The following SRBD1 variants were observed in gnomAD, a reference collection of about 807,000 sequenced individuals.
SRBD1 encodes S1 RNA binding domain 1, also known as S1 RNA-binding domain-containing protein 1.
SRBD1 carries 88 observed loss-of-function variants against 115.3 expected under a neutral mutation model. The ratio of observed to expected loss-of-function variants is 0.76; its 90% confidence interval spans 0.64 to 0.91. The LOEUF is 0.91. SRBD1 is among the 40% of genes least tolerant of loss of function. The probability of loss-of-function intolerance (pLI) is 0.00; values close to 1 mark genes in which losing one functional copy is unlikely to be tolerated. For synonymous variants in SRBD1, 509 were observed against 407.7 expected (o/e 1.25, Z -2.99); for missense variants, 1,385 against 1,177.4 (o/e 1.18, Z -2.58).
intron 16 of SRBD1, among the ~76,000 whole-genome samples, chr2:45,461,247 G>A (rs758457089): frequency 6.6e-5 from 10 of 152,204 alleles, no homozygotes; most frequent in Non-Finnish European, 1.2e-4. Context: ...CTTTCATGGA[G>A]ACTTGTAATG....
intron 14 of SRBD1, among the ~76,000 whole-genome samples, chr2:45,532,298 A>T (rs1671637634): frequency 6.6e-6 from 1 of 151,862 alleles, no homozygotes; most frequent in Admixed American, 6.6e-5. Flanking sequence ...AGACAGTGTT[A>T]AATACCAGGG....
At chr2:45,402,269 A>C (rs1667312051) in intron 19 of SRBD1, among the ~76,000 whole-genome samples, 5 of 152,154 alleles carry the variant, frequency 3.3e-5, no homozygotes, top group Non-Finnish European at 7.4e-5. Context: ...GTTTTTAGTA[A>C]ATTAAAGAAA....
At chr2:45,568,469 T>A (rs1672904984) in intron 9 of SRBD1, among the ~76,000 whole-genome samples, 1 of 152,168 alleles carries the variant, frequency 6.6e-6, no homozygotes, top group Non-Finnish European at 1.5e-5. Flanking sequence ...TAACCTAGCA[T>A]ATCATCACTC....
chr2:45,531,364 C>T (rs1310383639), intron 14 of SRBD1, among the ~76,000 whole-genome samples: 1 of 151,614 alleles, frequency 6.6e-6, no homozygotes, highest in Non-Finnish European at 1.5e-5. Flanking sequence ...TACGTAAAAA[C>T]GCACATTAAA....
At chr2:45,499,051 GT>G (rs1324891979) in intron 14 of SRBD1, among the ~76,000 whole-genome samples, 1 of 151,704 alleles carries the variant, frequency 6.6e-6, no homozygotes, top group Non-Finnish European at 1.5e-5. Context: ...TCTATTTTTA[GT>G]TTTTTTTAGG....
intron 16 of SRBD1, among the ~76,000 whole-genome samples, chr2:45,421,496 G>A (rs557259724): frequency 2.1e-5 from 2 of 96,692 alleles, no homozygotes; most frequent in South Asian, 7.7e-4. Flanking sequence ...GACGGTGTGA[G>A]ACTCCGTCTC....
intron 12 of SRBD1, 114 bp from the exon 13 acceptor site, chr2:45,547,726 G>C (rs1475816879): frequency 3.8e-6 from 3 of 792,160 alleles, no homozygotes; most frequent in Non-Finnish European, 6.0e-6. Flanking sequence ...TTTTTATAAT[G>C]AAGTCTGAAC....
At chr2:45,456,246 C>T (rs1020087574) in intron 16 of SRBD1, among the ~76,000 whole-genome samples, 28 of 151,742 alleles carry the variant, frequency 1.8e-4, no homozygotes, top group African/African-American at 6.0e-4. Flanking sequence ...AATTAGAAAA[C>T]GGCAATCAAT....
chr2:45,491,810 T>C (rs1670300709), intron 14 of SRBD1, among the ~76,000 whole-genome samples: 1 of 152,102 alleles, frequency 6.6e-6, no homozygotes, highest in African/African-American at 2.4e-5. Flanking sequence ...GAGTTAAAAA[T>C]GCTGCTTTAT....
chr2:45,504,927 C>A (rs1670752598), intron 14 of SRBD1, among the ~76,000 whole-genome samples: 1 of 152,076 alleles, frequency 6.6e-6, no homozygotes, highest in South Asian at 2.1e-4. Context: ...AGGATGGGAA[C>A]ACACCGCCAA....
At chr2:45,509,906 T>G (rs1670915640) in intron 14 of SRBD1, among the ~76,000 whole-genome samples, 1 of 152,092 alleles carries the variant, frequency 6.6e-6, no homozygotes, top group African/African-American at 2.4e-5. Context: ...ATCTAATTTT[T>G]AAATATTCAG....
intron 7 of SRBD1, among the ~76,000 whole-genome samples, chr2:45,578,720 G>C (rs1673253333): frequency 6.6e-6 from 1 of 152,174 alleles, no homozygotes. Flanking sequence ...GAAAGACGTA[G>C]GTCAAAGGGT....
At chr2:45,438,033 T>C (rs1668553189) in intron 16 of SRBD1, among the ~76,000 whole-genome samples, 1 of 152,220 alleles carries the variant, frequency 6.6e-6, no homozygotes, top group South Asian at 2.1e-4. Context: ...TGACTGATAA[T>C]GATATGCATT....
rs192420104 is a variant in SRBD1 at position 45,408,989 on chromosome 2, G to A, written c.2513+4125C>T. ...TATAATCCCAGCACTTTGGGAGGCC[G>A]AGTAGGACTGCCTGAGCGAAGGAGT... is the stretch of plus-strand genomic sequence containing the variant. On this transcript the variant is annotated intron_variant, in intron 19 of 20. Coordinates refer to ENST00000263736, the MANE Select transcript of SRBD1 (RefSeq NM_018079.5). 1.2e-3 allele frequency among the ~76,000 whole-genome samples: 189 copies of A among 152,248 alleles called. 1 individual carries two copies. The highest frequency in any genetic ancestry group is 3.0e-3 in the Admixed American group (46 of 15,292).
chr2:45,451,451 A>T (rs1489006394), intron 16 of SRBD1, among the ~76,000 whole-genome samples: 1 of 152,072 alleles, frequency 6.6e-6, no homozygotes. Context: ...TTATACAATA[A>T]ACTGATATTA....
At chr2:45,500,532 C>T (rs919149810) in intron 14 of SRBD1, among the ~76,000 whole-genome samples, 6 of 152,038 alleles carry the variant, frequency 3.9e-5, no homozygotes, top group Non-Finnish European at 8.8e-5. Flanking sequence ...AAGCTGTCCT[C>T]CCACCTTGGC....
chr2:45,590,715 G>A (rs1159578960), intron 4 of SRBD1, among the ~76,000 whole-genome samples: 1 of 152,100 alleles, frequency 6.6e-6, no homozygotes, highest in Non-Finnish European at 1.5e-5. Flanking sequence ...TGTACTGTAA[G>A]TCAATTAAAC....
At position 45,602,041 on chromosome 2, in the gene SRBD1, C is replaced by T; in HGVS notation, c.123G>A (p.Trp41Ter). 3 of 1,614,086 alleles carry T rather than the reference C, an allele frequency of 1.9e-6. No individual in the cohort carries two copies. Among genetic ancestry groups the T allele is most frequent in the South Asian group, 1.1e-5 (1 of 91,072 alleles). ...TTCTGGGAACTTTCTTTTGGGGCTC[C>T]CAGGCACTATCTTCCTTGTCATCTT... ...SEEDDKEDSA[W>*]EPQKKVPRSR... Residue 41 changes from tryptophan (W) to a stop codon, truncating the protein, a stop_gained, in exon 3 of 21, where the codon TGG becomes TGA. Transcript: ENST00000263736. LOFTEE classifies it high-confidence loss of function.
chr2:45,428,756 CTA>C (rs967706709), intron 16 of SRBD1, among the ~76,000 whole-genome samples: 3 of 151,918 alleles, frequency 2.0e-5, no homozygotes, highest in African/African-American at 7.3e-5. Flanking sequence ...ATTAAAAGAA[CTA>C]GAGAAGCAAG....
Sources: gnomAD v4.1 joint callset for allele counts (sites outside exome capture counted in the v4.1 genomes callset) on GRCh38, gnomAD v4.1.1 for gene constraint, MANE v1.5 for transcripts, NCBI Gene and HGNC (gene_info 2026-07-23, HGNC 2026-07-21) for gene names.